The following PPFIA2 variants were observed in gnomAD, a reference collection of about 807,000 sequenced individuals.
PPFIA2 encodes the protein PPFI scaffold protein A2.
A neutral mutation model predicts 175.5 loss-of-function variants in PPFIA2; 46 were observed. The ratio of observed to expected loss-of-function variants is 0.26; its 90% CI spans 0.21 to 0.34. The LOEUF (loss-of-function observed/expected upper bound fraction) is 0.34. Ranked by LOEUF, PPFIA2 falls within the 10% of genes least tolerant of loss-of-function variation. The pLI is 1.00. For missense variants in PPFIA2, 1,179 were observed against 1,506.1 expected, an observed-to-expected ratio of 0.78 and a Z score of 3.60; for synonymous variants, 568 against 511.4, an observed-to-expected ratio of 1.11 and a Z score of -1.49.
At chr12:81,633,548 A>G (rs1202255850) in intron 4 of PPFIA2, among the ~76,000 whole-genome samples, 1 of 151,984 alleles carries the variant, frequency 6.6e-6, no homozygotes, top group Non-Finnish European at 1.5e-5. Flanking sequence ...GACAGCAAAA[A>G]AAAAATACCC....
chr12:81,512,562 T>G (rs982037182), intron 4 of PPFIA2, among the ~76,000 whole-genome samples: 1 of 152,202 alleles, frequency 6.6e-6, no homozygotes, highest in African/African-American at 2.4e-5. Context: ...TTCAAAATAT[T>G]TGGGGTTCAG....
intron 3 of PPFIA2, among the ~76,000 whole-genome samples, chr12:81,707,325 GA>G (rs1264355499): frequency 2.0e-5 from 3 of 151,818 alleles, no homozygotes; most frequent in South Asian, 2.1e-4. Context: ...AAATTTACAA[GA>G]AAAAAACAAA....
Position 81,583,315 on chromosome 12 carries a change from A to G in PPFIA2, c.303+93476T>C, listed in dbSNP as rs541152978. On this transcript the variant is annotated intron_variant, in intron 4 of 32. Transcript: ENST00000549396. ...TGTAAATTGTTTCAAAATGCTTTCTATCAAGTTTTATTACGTCTCTTTACC... is the reference window on the plus strand; with the variant it reads ...TGTAAATTGTTTCAAAATGCTTTCTGTCAAGTTTTATTACGTCTCTTTACC... 7.2e-5 allele frequency among the ~76,000 whole-genome samples: 11 copies of G among 151,948 alleles called. No homozygotes were observed. The East Asian group carries it at 1.9e-3, about 27-fold the overall frequency.
At chr12:81,592,620 G>T (rs1237374242) in intron 4 of PPFIA2, among the ~76,000 whole-genome samples, 1 of 152,094 alleles carries the variant, frequency 6.6e-6, no homozygotes, top group African/African-American at 2.4e-5. Flanking sequence ...CTCTCTCTTT[G>T]CCTACTGCCA....
At chr12:81,725,090 C>G (rs528891664) in intron 3 of PPFIA2, among the ~76,000 whole-genome samples, 1 of 151,038 alleles carries the variant, frequency 6.6e-6, no homozygotes, top group East Asian at 1.9e-4. Flanking sequence ...TGATGTTGAA[C>G]ATTTTTTCAT....
intron 6 of PPFIA2, 147 bp downstream of exon 6, chr12:81,445,409 A>C: frequency 3.0e-6 from 2 of 675,760 alleles, no homozygotes; most frequent in Non-Finnish European, 4.8e-6. Flanking sequence ...ATCCATTTTC[A>C]CTTTTAAAAA....
At chr12:81,506,173 C>T (rs1162650050) in intron 4 of PPFIA2, 1 of 152,224 alleles carries the variant, frequency 6.6e-6, no homozygotes, top group Non-Finnish European at 1.5e-5. Flanking sequence ...TAGGCTTATA[C>T]AATATTTTTT....
Position 81,722,005 on chromosome 12 carries a change from G to A in PPFIA2, c.249+31968C>T, listed in dbSNP as rs758925344. On this transcript the variant is annotated intron_variant, in intron 3 of 32. Coordinates refer to ENST00000549396, the MANE Select transcript of PPFIA2 (RefSeq NM_003625.5). ...CAATCATAATATATCTGCAGTGGTGGTGTAGGACATTAGTTTAGATATCTG... is the reference window on the plus strand; with the variant it reads ...CAATCATAATATATCTGCAGTGGTGATGTAGGACATTAGTTTAGATATCTG... Among the ~76,000 whole-genome samples the A allele has an allele frequency of 4.6e-5, 7 of 151,000 alleles. No individual in the cohort carries two copies. In the South Asian group the frequency reaches 1.5e-3, roughly 31 times the overall value.
chr12:81,503,404 GT>G (rs1223510378), intron 4 of PPFIA2, among the ~76,000 whole-genome samples: 2 of 151,828 alleles, frequency 1.3e-5, no homozygotes, highest in African/African-American at 4.8e-5. Context: ...AGACCAAATG[GT>G]TTTCCCACTG....
intron 4 of PPFIA2, among the ~76,000 whole-genome samples, chr12:81,494,658 A>G (rs1224086673): frequency 1.3e-5 from 2 of 152,062 alleles, no homozygotes; most frequent in Non-Finnish European, 2.9e-5. Context: ...TGTTTATTGC[A>G]GCATTATTCA....
At chr12:81,702,879 C>T (rs573069410) in intron 3 of PPFIA2, among the ~76,000 whole-genome samples, 7 of 152,214 alleles carry the variant, frequency 4.6e-5, no homozygotes, top group East Asian at 1.9e-4. Flanking sequence ...TTCCCTCCCC[C>T]GTGTGAGGAC....
intron 7 of PPFIA2, chr12:81,431,426 T>A (rs1199841375): frequency 6.6e-6 from 1 of 152,194 alleles, no homozygotes; most frequent in Admixed American, 6.5e-5. Context: ...CTGGGCTCAC[T>A]TTTTTAGGAC....
intron 3 of PPFIA2, among the ~76,000 whole-genome samples, chr12:81,741,157 A>G (rs191788000): frequency 6.6e-6 from 1 of 152,194 alleles, no homozygotes; most frequent in African/African-American, 2.4e-5. Context: ...TGATTGTAAC[A>G]TATTCAAAAT....
At chr12:81,317,833 T>G (rs939352170) in intron 22 of PPFIA2, among the ~76,000 whole-genome samples, 1 of 151,670 alleles carries the variant, frequency 6.6e-6, no homozygotes, top group African/African-American at 2.4e-5. Context: ...TTACAGAGGA[T>G]CACAGAATCT....
chr12:81,268,378 T>C (rs1230377193), intron 28 of PPFIA2, among the ~76,000 whole-genome samples: 1 of 151,980 alleles, frequency 6.6e-6, no homozygotes, highest in Non-Finnish European at 1.5e-5. Context: ...GACCTCGTGA[T>C]CCGCCCGCCT....
chr12:81,352,998 A>T (rs1483711992), intron 17 of PPFIA2, 121 bp downstream of exon 17: 1 of 798,346 alleles, frequency 1.3e-6, no homozygotes, highest in Admixed American at 2.4e-5. Context: ...GTGAGGTCTG[A>T]GATTCTGCAG....
At chr12:81,406,657 T>C (rs2042991410) in intron 7 of PPFIA2, among the ~76,000 whole-genome samples, 1 of 151,990 alleles carries the variant, frequency 6.6e-6, no homozygotes, top group South Asian at 2.1e-4. Flanking sequence ...TGTTTTAAAA[T>C]ACATTTGCTA....
At position 81,339,160 on chromosome 12, in the gene PPFIA2, C is replaced by T. The variant is rs749967102; in HGVS notation, c.2548+20G>A. The T allele has an allele frequency of 5.1e-6, 8 of 1,555,856 alleles. No homozygotes were observed. The highest frequency in any genetic ancestry group is 6.1e-6 in the Non-Finnish European group (7 of 1,152,166). ...ACTAAAATGAGTGGCAGTGGAAAGT[C>T]TTAACACATGCATACTTACGGAGCT... On this transcript the variant is annotated intron_variant, in intron 21 of 32. Transcript: ENST00000549396.
At chr12:81,606,275 G>T (rs1312721706) in intron 4 of PPFIA2, among the ~76,000 whole-genome samples, 2 of 151,956 alleles carry the variant, frequency 1.3e-5, no homozygotes. Context: ...GAATGACACT[G>T]AACATATGAG....
Sources: gnomAD v4.1 joint callset for allele counts (sites outside exome capture counted in the v4.1 genomes callset) on GRCh38, gnomAD v4.1.1 for gene constraint, MANE v1.5 for transcripts, NCBI Gene and HGNC (gene_info 2026-07-23, HGNC 2026-07-21) for gene names.